BMP8A: variants seen among roughly 807,000 people sequenced by gnomAD.
BMP8A encodes bone morphogenetic protein 8a.
Under a neutral mutation model 36.8 loss-of-function variants are expected in BMP8A, and 14 were observed. That is an observed-to-expected ratio of 0.38 (90% CI 0.25 to 0.60). BMP8A has a LOEUF of 0.60. BMP8A is among the 20% of genes least tolerant of loss of function. BMP8A has a pLI of 0.63. For missense variants in BMP8A, 267 were observed against 551.1 expected (o/e 0.48, Z 5.16); for synonymous variants, 120 against 237.7 (o/e 0.50, Z 4.55).
rs772235356 is a variant in BMP8A at position 39,522,445 on chromosome 1, A to G, written c.911A>G (p.His304Arg). 20 of 1,613,360 alleles carry G rather than the reference A, an allele frequency of 1.2e-5. No individual in the cohort carries two copies. In the Admixed American group the frequency reaches 3.2e-4, roughly 26 times the overall value. Residue 304 changes from histidine to arginine, a missense_variant, in exon 5 of 7, where the codon CAC becomes CGC. Transcript: ENST00000331593. ...CACGGCCGGCAGGTCTGCCGTCGGC[A>G]CGAGCTCTACGTCAGCTTCCAGGAC... Reference protein sequence around the residue: ...GSHGRQVCRRHELYVSFQDLG... With the variant: ...GSHGRQVCRRRELYVSFQDLG...
intron 1 of BMP8A, among the ~76,000 whole-genome samples, chr1:39,497,414 G>A (rs906097644): frequency 1.3e-5 from 2 of 152,176 alleles, no homozygotes; most frequent in African/African-American, 4.8e-5. Flanking sequence ...CACAAATGGG[G>A]GCTGATCGAT....
intron 3 of BMP8A, among the ~76,000 whole-genome samples, chr1:39,516,736 C>T (rs1467686378): frequency 4.6e-5 from 7 of 151,912 alleles, no homozygotes; most frequent in Middle Eastern, 6.8e-3. Flanking sequence ...AATGGATGTC[C>T]GCTTTGCTCT....
chr1:39,523,573 C>G (rs1305716667), intron 6 of BMP8A: 3 of 1,395,106 alleles, frequency 2.2e-6, no homozygotes, highest in Non-Finnish European at 2.8e-6. Context: ...TGTGCCGCAC[C>G]ACAGGCAGGA....
Position 39,497,094 on chromosome 1 carries a change from ATGT to A in BMP8A, c.334+4776_334+4778del, listed in dbSNP as rs540611524. Among the ~76,000 whole-genome samples, 509 of 152,138 alleles carry A rather than the reference ATGT, an allele frequency of 3.3e-3. 2 individuals are homozygous for A. The highest frequency in any genetic ancestry group is 0.012 in the African/African-American group (491 of 41,476). ...CATGCTTCTTTTTCCATTTTCCTCCATGTTGTTGTATCTGTAGTTCTTTTTTTC... is the reference window on the plus strand; with the variant it reads ...CATGCTTCTTTTTCCATTTTCCTCCATGTTGTATCTGTAGTTCTTTTTTTC... On this transcript the variant is annotated intron_variant, in intron 1 of 6. Transcript: ENST00000331593.
chr1:39,525,384 G>T (rs571062545), intron 6 of BMP8A, among the ~76,000 whole-genome samples: 5 of 152,254 alleles, frequency 3.3e-5, no homozygotes, highest in African/African-American at 1.2e-4. Context: ...TGGGACTCGA[G>T]GCCCCTCATT....
intron 1 of BMP8A, among the ~76,000 whole-genome samples, chr1:39,506,888 TA>T (rs887533140): frequency 5.3e-5 from 8 of 152,196 alleles, no homozygotes; most frequent in African/African-American, 1.4e-4. Flanking sequence ...AGTACTGCTT[TA>T]AAATGTACTG....
At chr1:39,505,077 G>T (rs1645289902) in intron 1 of BMP8A, among the ~76,000 whole-genome samples, 1 of 152,142 alleles carries the variant, frequency 6.6e-6, no homozygotes, top group African/African-American at 2.4e-5. Flanking sequence ...TCCAATCCCA[G>T]GGATGAGCAG....
rs566693345 is a variant in BMP8A, at chr1:39,524,387, G to A, written c.1060-1262G>A. Among the ~76,000 whole-genome samples the A allele has an allele frequency of 1.5e-4, 23 of 152,296 alleles. No homozygotes were observed. The highest frequency in any genetic ancestry group is 6.5e-4 in the Admixed American group (10 of 15,304). The stretch of plus-strand genomic sequence containing the variant: ...CGGTGGGCACAGAAGCAAACCAACC[G>A]TGGAGTTGACACCTCCTGTGAGGAA... On this transcript the variant is annotated intron_variant, in intron 6 of 6. Transcript: ENST00000331593. The surrounding 1 kb of genome is among the most constrained non-coding windows in gnomAD (Gnocchi z 4.0).
intron 3 of BMP8A, among the ~76,000 whole-genome samples, chr1:39,514,234 G>A (rs1464546163): frequency 7.5e-5 from 10 of 133,522 alleles, no homozygotes; most frequent in Admixed American, 4.7e-4. Context: ...GTGAGGAGAC[G>A]CCTGCACGCT....
At chr1:39,493,842 G>A (rs1391926848) in intron 1 of BMP8A, among the ~76,000 whole-genome samples, 10 of 152,200 alleles carry the variant, frequency 6.6e-5, no homozygotes, top group Non-Finnish European at 1.3e-4. Flanking sequence ...AGTTGTGGAT[G>A]GAGTCGTCCA....
intron 1 of BMP8A, among the ~76,000 whole-genome samples, chr1:39,499,792 A>G (rs943480930): frequency 6.6e-6 from 1 of 152,148 alleles, no homozygotes; most frequent in Non-Finnish European, 1.5e-5. Context: ...CGTGGATAGC[A>G]TTGTCTGTCC....
At chr1:39,514,665 G>T (rs887712013) in intron 3 of BMP8A, among the ~76,000 whole-genome samples, 2 of 152,056 alleles carry the variant, frequency 1.3e-5, no homozygotes, top group African/African-American at 4.8e-5. Flanking sequence ...CTCCACTGGG[G>T]CAGGAGGGGA....
intron 1 of BMP8A, among the ~76,000 whole-genome samples, chr1:39,503,186 T>A (rs1326938981): frequency 2.0e-5 from 3 of 152,054 alleles, no homozygotes; most frequent in African/African-American, 4.8e-5. Context: ...CAAGACCCCA[T>A]CTCTACAAAA....
At chr1:39,522,859 G>A (rs1645442041) in intron 5 of BMP8A, 148 bp from the exon 6 acceptor site, 9 of 882,746 alleles carry the variant, frequency 1.0e-5, no homozygotes, top group Non-Finnish European at 1.4e-5. Context: ...TTGGGCCTGA[G>A]CTCCTGCCCA....
At chr1:39,509,793 ATTGAAATCTCAGTG>A (rs1206180547) in intron 1 of BMP8A, among the ~76,000 whole-genome samples, 20 of 152,144 alleles carry the variant, frequency 1.3e-4, no homozygotes, top group African/African-American at 4.8e-4. Flanking sequence ...CAAACATATC[ATTGAAATCTCAGTG>A]TTGGGTTTTG....
Position 39,528,433 on chromosome 1 carries a change from C to A in BMP8A, c.*2635C>A, listed in dbSNP as rs1235724796. ...ATAAATAAGGGTGGTCAGCTCAGGCCCACTGGCTGCAACAAGTAGCCACTG... is the reference window on the plus strand; with the variant it reads ...ATAAATAAGGGTGGTCAGCTCAGGCACACTGGCTGCAACAAGTAGCCACTG... On this transcript the variant is annotated 3_prime_UTR_variant, in exon 7 of 7. Transcript: ENST00000331593. Among the ~76,000 whole-genome samples, 1 of 152,118 alleles carries A rather than the reference C, an allele frequency of 6.6e-6. No homozygotes were observed.
intron 1 of BMP8A, among the ~76,000 whole-genome samples, chr1:39,508,980 A>G (rs1191323985): frequency 6.6e-6 from 1 of 152,206 alleles, no homozygotes; most frequent in Non-Finnish European, 1.5e-5. Flanking sequence ...CTCTTGAGTC[A>G]GCCTGGGTAG....
chr1:39,527,611 C>G lies in BMP8A; in HGVS notation c.*1813C>G, dbSNP rs974619065. On this transcript the variant is annotated 3_prime_UTR_variant, in exon 7 of 7. Transcript: ENST00000331593. ...CTGGACCAGGGAGGGCCTCCATGTG[C>G]AAGCGCAGAGGAAGAGACCCTCTCA... 4.6e-5 allele frequency among the ~76,000 whole-genome samples: 7 copies of G among 152,214 alleles called. No individual in the cohort carries two copies.
chr1:39,493,786 G>A (rs1645181840), intron 1 of BMP8A, among the ~76,000 whole-genome samples: 1 of 152,202 alleles, frequency 6.6e-6, no homozygotes, highest in African/African-American at 2.4e-5. Flanking sequence ...CTGGGGCTGG[G>A]GCTCTGTCAT....
Sources: allele counts gnomAD v4.1 joint callset (sites outside exome capture counted in the v4.1 genomes callset), GRCh38; gene constraint gnomAD v4.1.1; non-coding constraint Gnocchi (gnomAD v3.1); transcripts MANE v1.5; gene names NCBI Gene and HGNC (gene_info 2026-07-23, HGNC 2026-07-21).